COL18A1: variants seen among roughly 807,000 people sequenced by gnomAD.
COL18A1 encodes the protein collagen alpha-1(XVIII) chain.
Under a neutral mutation model 168.0 loss-of-function variants are expected in COL18A1, and 133 were observed. The ratio of observed to expected loss-of-function variants is 0.79; its 90% CI spans 0.69 to 0.91. The LOEUF (loss-of-function observed/expected upper bound fraction) is 0.91. Ranked by LOEUF, COL18A1 falls within the 40% of genes least tolerant of loss-of-function variation. The probability of loss-of-function intolerance (pLI) is 0.00; values close to 1 mark genes in which losing one functional copy is unlikely to be tolerated. For missense variants in COL18A1, 2,126 were observed against 1,925.4 expected, an observed-to-expected ratio of 1.10 and a Z score of -1.95; for synonymous variants, 949 against 809.0, an observed-to-expected ratio of 1.17 and a Z score of -2.94.
chr21:45,427,823 G>T (rs756071022), intron 2 of COL18A1, among the ~76,000 whole-genome samples: 8 of 152,248 alleles, frequency 5.3e-5, no homozygotes, highest in Admixed American at 1.3e-4. Context: ...CCAGCGGAAG[G>T]GGGGCGAGGC....
intron 38 of COL18A1, among the ~76,000 whole-genome samples, chr21:45,508,606 G>A (rs2037392014): frequency 6.6e-6 from 1 of 152,292 alleles, no homozygotes; most frequent in East Asian, 1.9e-4. Flanking sequence ...TTGAGTAGAG[G>A]TCATGATTCC....
At chr21:45,465,663 G>C (rs1277191733) in intron 2 of COL18A1, among the ~76,000 whole-genome samples, 2 of 152,196 alleles carry the variant, frequency 1.3e-5, no homozygotes, top group Non-Finnish European at 2.9e-5. Context: ...GGCTGTGCTG[G>C]AGGGCGGGGG....
chr21:45,500,127 G>T (rs184623370), intron 32 of COL18A1, among the ~76,000 whole-genome samples: 55 of 151,620 alleles, frequency 3.6e-4, no homozygotes, highest in Non-Finnish European at 5.7e-4. Flanking sequence ...CAGTGTGGGG[G>T]TGTGGGTGGA....
chr21:45,493,617 C>T lies in COL18A1; in HGVS notation c.2352+42C>T, dbSNP rs572371903. On this transcript the variant is annotated intron_variant, in intron 26 of 41. Transcript: ENST00000651438. Reference sequence around the variant, plus strand: ...CTCCTTCCGGCAGGCGTGGGGGCTCCTGGGGCTGTGGAGACAGCCTGGGGA... The same window carrying T: ...CTCCTTCCGGCAGGCGTGGGGGCTCTTGGGGCTGTGGAGACAGCCTGGGGA... The T allele has an allele frequency of 5.8e-5, 85 of 1,457,984 alleles. No individual in the cohort carries two copies. In the African/African-American group the frequency reaches 1.0e-3, roughly 18 times the overall value. The allele number at this position is 1,457,984 out of a possible 1,614,324, so 90.3% of individuals were successfully genotyped here. A position where few individuals can be genotyped will look rare whatever the true frequency, so the allele number is the denominator to read the frequency against.
At chr21:45,421,831 C>A (rs1325339294) in intron 2 of COL18A1, among the ~76,000 whole-genome samples, 1 of 152,112 alleles carries the variant, frequency 6.6e-6, no homozygotes, top group Non-Finnish European at 1.5e-5. Flanking sequence ...TGACAGGACA[C>A]AGCCCGGGGT....
chr21:45,507,034 AG>A (rs1455520569), intron 37 of COL18A1: 2 of 312,470 alleles, frequency 6.4e-6, no homozygotes, highest in Non-Finnish European at 1.3e-5. Flanking sequence ...AGGAGGAGGC[AG>A]GGGATGGCAT....
In COL18A1 at chr21:45,406,667, C is replaced by T. The variant is rs141964361; in HGVS notation, c.106+1194C>T. ...GCCCTCTGAGCCGGGCCGCCAGCGC[C>T]CACAGGGCCCAGACCAGGGCTCCCT... On this transcript the variant is annotated intron_variant, in intron 2 of 41. Transcript: ENST00000651438. 6.0e-3 allele frequency among the ~76,000 whole-genome samples: 920 copies of T among 152,308 alleles called. 9 individuals are homozygous for T. The highest frequency in any genetic ancestry group is 0.02 in the African/African-American group (835 of 41,574).
At chr21:45,497,571 G>T in intron 31 of COL18A1, 28 bp from the exon 32 acceptor site, 1 of 1,553,312 alleles carries the variant, frequency 6.4e-7, no homozygotes, top group African/African-American at 1.4e-5. Context: ...GCACATTCCT[G>T]ATGGGCACTG....
At chr21:45,509,816 C>A (rs964092833) in intron 39 of COL18A1, among the ~76,000 whole-genome samples, 2 of 152,332 alleles carry the variant, frequency 1.3e-5, no homozygotes, top group Non-Finnish European at 2.9e-5. Context: ...GCTGTCACAT[C>A]CTTGAGGAAC....
rs114276639 is a variant in COL18A1, at chr21:45,510,177, C to T, written c.3609C>T (p.Arg1203=). Residue 1203 remains arginine (R), a synonymous_variant, in exon 40 of 42, where the codon CGC becomes CGT. Coordinates refer to ENST00000651438, the MANE Select transcript of COL18A1 (RefSeq NM_001379500.1). ...ARAVGLAGTF[R]AFLSSRLQDL... ...CCGTGGGGCTGGCGGGCACCTTCCG[C>T]GCCTTCCTGTCCTCGCGCCTGCAGG... The T allele has an allele frequency of 2.5e-3, 3,999 of 1,596,930 alleles. 91 individuals are homozygous for T. In the African/African-American group the frequency reaches 0.047, roughly 19 times the overall value.
chr21:45,456,037 G>T, intron 2 of COL18A1: 1 of 1,608,832 alleles, frequency 6.2e-7, no homozygotes, highest in Non-Finnish European at 8.5e-7. Flanking sequence ...CCACTCTCTG[G>T]CCCAGCCGTG....
intron 9 of COL18A1, 105 bp from the exon 10 acceptor site, chr21:45,479,797 G>T: frequency 1.3e-6 from 2 of 1,512,700 alleles, no homozygotes; most frequent in Non-Finnish European, 9.0e-7. Context: ...CCCCTGAAGG[G>T]CTCAGCTCCC....
At chr21:45,503,870 A>C in intron 32 of COL18A1, 141 bp from the exon 33 acceptor site, 1 of 722,394 alleles carries the variant, frequency 1.4e-6, no homozygotes, top group Non-Finnish European at 2.5e-6. Flanking sequence ...TTAACTAGGA[A>C]GAACCTAATT....
chr21:45,443,757 A>G lies in COL18A1; in HGVS notation c.107-24485A>G, dbSNP rs943336181. On this transcript the variant is annotated intron_variant, in intron 2 of 41. Transcript: ENST00000651438. The surrounding 1 kb of genome is among the most constrained non-coding windows in gnomAD (Gnocchi z 5.2). ...CTGGTGAAGAGTCTTTATGAGAGCA[A>G]TGCGGCCCCGTGCCCCTTTACGCGG... is the stretch of plus-strand genomic sequence containing the variant. Among the ~76,000 whole-genome samples, 3 of 152,164 alleles carry G rather than the reference A, an allele frequency of 2.0e-5. No homozygotes were observed. Among genetic ancestry groups the G allele is most frequent in the Non-Finnish European group, 2.9e-5 (2 of 68,012 alleles).
chr21:45,477,496 A>G lies in COL18A1; in HGVS notation c.1005+9A>G. ...GGGGCCGCGTGAAAGAGGTAAGGCC[A>G]CCTCCCTGTGCTCCTGAACCATTCT... On this transcript the variant is annotated intron_variant, in intron 7 of 41. Coordinates refer to ENST00000651438, the MANE Select transcript of COL18A1 (RefSeq NM_001379500.1). 6.2e-7 allele frequency: 1 copy of G among 1,601,918 alleles called. No individual in the cohort carries two copies. The highest frequency in any genetic ancestry group is 8.5e-7 in the Non-Finnish European group (1 of 1,174,252).
chr21:45,448,394 T>C (rs899305643), intron 2 of COL18A1, among the ~76,000 whole-genome samples: 1 of 152,206 alleles, frequency 6.6e-6, no homozygotes, highest in African/African-American at 2.4e-5. Flanking sequence ...GTGATGCATA[T>C]CCATGTGTGC....
At chr21:45,410,790 C>T (rs1237956571) in intron 2 of COL18A1, among the ~76,000 whole-genome samples, 2 of 152,200 alleles carry the variant, frequency 1.3e-5, no homozygotes, top group Admixed American at 6.5e-5. Context: ...GTGACGTGAG[C>T]TGATGGGAAA....
At position 45,437,820 on chromosome 21, in the gene COL18A1, ACT is replaced by A. The variant is rs772431925; in HGVS notation, c.107-30420_107-30419del. Among the ~76,000 whole-genome samples, 8 of 67,976 alleles carry A rather than the reference ACT, an allele frequency of 1.2e-4. 1 individual carries two copies. Among genetic ancestry groups the A allele is most frequent in the South Asian group, 4.5e-4 (1 of 2,210 alleles). The allele number at this position is 67,976 out of a possible 152,430, so 44.6% of individuals were successfully genotyped here. ...GACACACAGGCACTCTCCTGCACAC[ACT>A]CACACTCAGACAAGCACTCTCCTGC... On this transcript the variant is annotated intron_variant, in intron 2 of 41. Coordinates refer to ENST00000651438, the MANE Select transcript of COL18A1 (RefSeq NM_001379500.1).
chr21:45,456,696 T>C lies in COL18A1; in HGVS notation c.107-11546T>C, dbSNP rs769973913. 54 of 1,531,850 alleles carry C rather than the reference T, an allele frequency of 3.5e-5. 1 individual carries two copies. The South Asian group carries it at 6.3e-4, about 18-fold the overall frequency. 94.9% of individuals were successfully genotyped at this position (1,531,850 alleles called of 1,614,324 possible). On this transcript the variant is annotated intron_variant, in intron 2 of 41. Coordinates refer to ENST00000651438, the MANE Select transcript of COL18A1 (RefSeq NM_001379500.1). ...TGCCACCCCTTCCTCGCCTGGTTCTTCTGCCTGCTGCTGGTCCCCCCATGC... is the reference window on the plus strand; with the variant it reads ...TGCCACCCCTTCCTCGCCTGGTTCTCCTGCCTGCTGCTGGTCCCCCCATGC...
Sources: allele counts gnomAD v4.1 joint callset (sites outside exome capture counted in the v4.1 genomes callset), GRCh38; gene constraint gnomAD v4.1.1; non-coding constraint Gnocchi (gnomAD v3.1); transcripts MANE v1.5; gene names NCBI Gene and HGNC (gene_info 2026-07-23, HGNC 2026-07-21).